The following CCSER1 variants were observed in gnomAD, a reference collection of about 807,000 sequenced individuals.
CCSER1 encodes coiled-coil serine rich protein 1.
CCSER1 carries 41 observed loss-of-function variants against 82.0 expected under a neutral mutation model. The observed-to-expected ratio is 0.50, with a 90% CI of 0.39 to 0.65. The LOEUF is 0.65. Ranked by LOEUF, CCSER1 falls within the 30% of genes least tolerant of loss-of-function variation. The probability of loss-of-function intolerance (pLI) is 0.00; values close to 1 mark genes in which losing one functional copy is unlikely to be tolerated. For synonymous variants in CCSER1, 414 were observed against 383.9 expected, an observed-to-expected ratio of 1.08 and a Z score of -0.92; for missense variants, 1,119 against 1,064.2, an observed-to-expected ratio of 1.05 and a Z score of -0.72.
intron 1 of CCSER1, among the ~76,000 whole-genome samples, chr4:90,141,901 A>G (rs183326168): frequency 6.6e-6 from 1 of 152,334 alleles, no homozygotes; most frequent in East Asian, 1.9e-4. Flanking sequence ...CTATGCATAC[A>G]TTTATTTTAG....
intron 10 of CCSER1, among the ~76,000 whole-genome samples, chr4:91,283,902 T>G (rs1396347838): frequency 6.6e-6 from 1 of 152,142 alleles, no homozygotes; most frequent in Non-Finnish European, 1.5e-5. Context: ...ACTGTGTTCC[T>G]GTGCTGTAGC....
At chr4:91,373,424 C>T (rs1750178521) in intron 10 of CCSER1, among the ~76,000 whole-genome samples, 1 of 152,018 alleles carries the variant, frequency 6.6e-6, no homozygotes, top group Non-Finnish European at 1.5e-5. Flanking sequence ...ATATTTAAAA[C>T]TCTTTCATTA....
In CCSER1 at chr4:90,313,025, C is replaced by T. The variant is rs1303171449; in HGVS notation, c.1487C>T (p.Ser496Leu). 6.2e-7 allele frequency: 1 copy of T among 1,603,406 alleles called. No individual in the cohort carries two copies. The highest frequency in any genetic ancestry group is 8.5e-7 in the Non-Finnish European group (1 of 1,174,228). ...TTAAGAAAGCAAAGAGCAGGTTCTT[C>T]ATCTTCAAAAATGAACAGTTTGGTA... ...NSLRKQRAGS[S>L]SSKMNSLDVL... The change falls in exon 3 of 11, where the codon TCA (serine) becomes TTA (leucine). Residue 496 changes from serine to leucine, a missense_variant. By Grantham distance (145) the Ser-to-Leu change is moderately radical. Coordinates refer to ENST00000509176, the MANE Select transcript of CCSER1 (RefSeq NM_001145065.2).
intron 10 of CCSER1, among the ~76,000 whole-genome samples, chr4:91,150,963 A>G (rs1242676789): frequency 6.6e-6 from 1 of 152,194 alleles, no homozygotes; most frequent in East Asian, 1.9e-4. Context: ...AGGCTTTGGT[A>G]TCAGGATGAT....
At chr4:91,038,975 G>A in intron 9 of CCSER1, among the ~76,000 whole-genome samples, 1 of 152,154 alleles carries the variant, frequency 6.6e-6, no homozygotes, top group East Asian at 1.9e-4. Context: ...AATGTTTGCA[G>A]CCTTAAAAAT....
At chr4:91,300,435 C>T (rs1744578212) in intron 10 of CCSER1, among the ~76,000 whole-genome samples, 1 of 151,666 alleles carries the variant, frequency 6.6e-6, no homozygotes, top group Non-Finnish European at 1.5e-5. Flanking sequence ...ACTATCAGTA[C>T]TGTTAGGGAA....
intron 10 of CCSER1, among the ~76,000 whole-genome samples, chr4:91,159,293 T>G (rs1019426141): frequency 3.9e-5 from 6 of 151,998 alleles, no homozygotes; most frequent in African/African-American, 1.4e-4. Context: ...ATTAAATCAA[T>G]GCCATGCTGA....
At chr4:90,433,117 A>G (rs1348506213) in intron 4 of CCSER1, among the ~76,000 whole-genome samples, 1 of 151,992 alleles carries the variant, frequency 6.6e-6, no homozygotes. Flanking sequence ...TATATTAACT[A>G]TCTACTTGAG....
intron 9 of CCSER1, among the ~76,000 whole-genome samples, chr4:90,927,277 A>G (rs538812995): frequency 2.0e-5 from 3 of 152,190 alleles, no homozygotes; most frequent in East Asian, 3.9e-4. Flanking sequence ...CAAATGCACT[A>G]AAGTTTTAAG....
intron 9 of CCSER1, among the ~76,000 whole-genome samples, chr4:91,019,994 A>G (rs1312315952): frequency 6.6e-6 from 1 of 152,230 alleles, no homozygotes; most frequent in African/African-American, 2.4e-5. Flanking sequence ...TGTGTCAAAA[A>G]TAGAAATTGT....
chr4:90,198,787 A>G (rs888234294), intron 1 of CCSER1, among the ~76,000 whole-genome samples: 1 of 152,184 alleles, frequency 6.6e-6, no homozygotes, highest in African/African-American at 2.4e-5. Flanking sequence ...AAAGTGATGA[A>G]GAATCAATAA....
chr4:90,653,125 T>C (rs1160408889), intron 6 of CCSER1, among the ~76,000 whole-genome samples: 1 of 152,098 alleles, frequency 6.6e-6, no homozygotes, highest in African/African-American at 2.4e-5. Context: ...TAATAAGAGT[T>C]CCTATTTAAA....
chr4:91,373,229 C>T (rs910464810), intron 10 of CCSER1, among the ~76,000 whole-genome samples: 1 of 151,826 alleles, frequency 6.6e-6, no homozygotes, highest in African/African-American at 2.4e-5. Context: ...ACAGATGATA[C>T]AGGATATGCA....
intron 9 of CCSER1, among the ~76,000 whole-genome samples, chr4:90,989,508 G>A (rs1736845659): frequency 6.6e-6 from 1 of 151,724 alleles, no homozygotes; most frequent in Non-Finnish European, 1.5e-5. Flanking sequence ...ATCTGAGATA[G>A]CTTCTGAGAA....
At chr4:91,453,846 C>T (rs1755997842) in intron 10 of CCSER1, among the ~76,000 whole-genome samples, 1 of 151,886 alleles carries the variant, frequency 6.6e-6, no homozygotes, top group African/African-American at 2.4e-5. Flanking sequence ...GGTGATAGGC[C>T]ATTTATGAAA....
intron 10 of CCSER1, among the ~76,000 whole-genome samples, chr4:91,408,416 G>T (rs898022749): frequency 1.3e-5 from 2 of 152,094 alleles, no homozygotes; most frequent in Admixed American, 6.6e-5. Context: ...TTCCAAACCA[G>T]GTGGTTATAT....
intron 10 of CCSER1, among the ~76,000 whole-genome samples, chr4:91,347,484 T>C (rs1014670576): frequency 3.8e-5 from 5 of 131,508 alleles, no homozygotes; most frequent in African/African-American, 2.1e-4. Context: ...CACATTATTA[T>C]TTTTTTTTTG....
Position 90,468,336 on chromosome 4 carries a change from T to G in CCSER1, c.1706T>G (p.Phe569Cys), listed in dbSNP as rs1374017358. 6.2e-7 allele frequency: 1 copy of G among 1,604,490 alleles called. No individual in the cohort carries two copies. Among genetic ancestry groups the G allele is most frequent in the East Asian group, 2.2e-5 (1 of 44,628 alleles). The change falls in exon 5 of 11, where the codon TTT becomes TGT. Residue 569 changes from phenylalanine (F) to cysteine (C), a missense_variant. Physicochemically the swap from Phe to Cys is radical, Grantham distance 205. Coordinates refer to ENST00000509176, the MANE Select transcript of CCSER1 (RefSeq NM_001145065.2). Reference protein sequence around the residue: ...IEMKKREEPEFPEPSKQNLSL... With the variant: ...IEMKKREEPECPEPSKQNLSL... ...ATGAAGAAAAGAGAAGAACCAGAAT[T>G]TCCTGAGCCTTCCAAACAGTGAGTT... is the stretch of plus-strand genomic sequence containing the variant.
At chr4:91,120,792 A>G (rs1727017963) in intron 10 of CCSER1, among the ~76,000 whole-genome samples, 1 of 151,926 alleles carries the variant, frequency 6.6e-6, no homozygotes. Context: ...GTCCGAGGTG[A>G]TCAAGAAGAG....
Sources: allele counts gnomAD v4.1 joint callset (sites outside exome capture counted in the v4.1 genomes callset), GRCh38; gene constraint gnomAD v4.1.1; transcripts MANE v1.5; gene names NCBI Gene and HGNC (gene_info 2026-07-23, HGNC 2026-07-21).